WDR49: variants seen among roughly 807,000 people sequenced by gnomAD.
WDR49 encodes cilia- and flagella-associated protein 337.
A neutral mutation model predicts 119.5 loss-of-function variants in WDR49; 107 were observed. The ratio of observed to expected loss-of-function variants is 0.90; its 90% CI spans 0.77 to 1.05. WDR49 has a LOEUF of 1.05. WDR49 is among the 50% of genes least tolerant of loss of function. The pLI is 0.00. For missense variants in WDR49, 1,240 were observed against 1,220.5 expected, an observed-to-expected ratio of 1.02 and a Z score of -0.24; for synonymous variants, 425 against 418.8, an observed-to-expected ratio of 1.01 and a Z score of -0.18.
Position 167,536,985 on chromosome 3 carries a change from A to G in WDR49, c.1839T>C (p.Phe613=), listed in dbSNP as rs1371303597. 1 of 1,587,768 alleles carries G rather than the reference A, an allele frequency of 6.3e-7. No homozygotes were observed. The change falls in exon 11 of 19, where the codon TTT becomes TTC. Residue 613 remains phenylalanine, a synonymous_variant. Transcript: ENST00000682715. The stretch of plus-strand genomic sequence containing the variant: ...AAAATTGATTGAAGTTTTGGGGTCG[A>G]AACACAGTAATAGCCCTAGCAAAAA... ...WKTIGRAITV[F]RPQNFNQFFI... is the part of the protein sequence containing the mutation.
At chr3:167,657,417 G>T (rs148190489), upstream of WDR49, among the ~76,000 whole-genome samples, 29 of 152,100 alleles carry the variant, frequency 1.9e-4, no homozygotes, top group Non-Finnish European at 4.0e-4. Flanking sequence ...TGATAAAACT[G>T]GTTCAGCTAA....
intron 10 of WDR49, among the ~76,000 whole-genome samples, chr3:167,547,159 T>C (rs1712255149): frequency 6.6e-6 from 1 of 151,840 alleles, no homozygotes; most frequent in Non-Finnish European, 1.5e-5. Flanking sequence ...ACCAATTGAG[T>C]CATACAGAGT....
upstream of WDR49, among the ~76,000 whole-genome samples, chr3:167,657,327 AAAT>A: frequency 6.6e-6 from 1 of 152,268 alleles, no homozygotes; most frequent in South Asian, 2.1e-4. Context: ...TATGTATATA[AAAT>A]AGAAATGGTC....
intron 7 of WDR49, among the ~76,000 whole-genome samples, chr3:167,589,143 T>C (rs1714978800): frequency 6.6e-6 from 1 of 152,180 alleles, no homozygotes; most frequent in Non-Finnish European, 1.5e-5. Flanking sequence ...TCTAATATTA[T>C]CTTCTGCATA....
intron 8 of WDR49, among the ~76,000 whole-genome samples, chr3:167,574,671 T>C (rs1045272906): frequency 6.6e-6 from 1 of 152,212 alleles, no homozygotes; most frequent in Non-Finnish European, 1.5e-5. Flanking sequence ...ATCCAGATCT[T>C]CTTTGTGTCT....
At chr3:167,509,710 T>G (rs767348583) in intron 16 of WDR49, among the ~76,000 whole-genome samples, 2 of 152,304 alleles carry the variant, frequency 1.3e-5, no homozygotes, top group East Asian at 3.9e-4. Context: ...ATTCTAATTA[T>G]GAATTCAATA....
intron 8 of WDR49, among the ~76,000 whole-genome samples, chr3:167,564,534 T>C (rs183683242): frequency 6.6e-6 from 1 of 152,350 alleles, no homozygotes; most frequent in Non-Finnish European, 1.5e-5. Flanking sequence ...CACCTTTTAA[T>C]GATACCAAAT....
At chr3:167,656,532 T>G (rs1163332854), upstream of WDR49, among the ~76,000 whole-genome samples, 1 of 152,200 alleles carries the variant, frequency 6.6e-6, no homozygotes, top group African/African-American at 2.4e-5. Flanking sequence ...ACAGACAAGA[T>G]GCCTGGCCTA....
intron 17 of WDR49, among the ~76,000 whole-genome samples, chr3:167,503,081 G>C (rs183686254): frequency 6.6e-6 from 1 of 152,162 alleles, no homozygotes; most frequent in South Asian, 2.1e-4. Context: ...CTCCATATCC[G>C]TGCAGCTCCA....
In WDR49 at chr3:167,578,783, G is replaced by A. The variant is rs1384197298; in HGVS notation, c.1276-2632C>T. On this transcript the variant is annotated intron_variant, in intron 7 of 18. Coordinates refer to ENST00000682715, the MANE Select transcript of WDR49 (RefSeq NM_001366157.1). ...GCCTATTTTTGCATTAGCTGATTAAGCCTCTCCATCATGCTTTTCACTTGC... is the reference window on the plus strand; with the variant it reads ...GCCTATTTTTGCATTAGCTGATTAAACCTCTCCATCATGCTTTTCACTTGC... Among the ~76,000 whole-genome samples, 4 of 152,194 alleles carry A rather than the reference G, an allele frequency of 2.6e-5. No homozygotes were observed. The East Asian group carries it at 7.7e-4, about 29-fold the overall frequency.
chr3:167,549,478 G>A (rs1712416150), intron 10 of WDR49, among the ~76,000 whole-genome samples: 1 of 152,120 alleles, frequency 6.6e-6, no homozygotes, highest in African/African-American at 2.4e-5. Flanking sequence ...TCTGTTGGCT[G>A]CATAAATGTC....
chr3:167,482,110 T>C (rs1750736181), intron 18 of WDR49, among the ~76,000 whole-genome samples: 1 of 152,130 alleles, frequency 6.6e-6, no homozygotes, highest in Admixed American at 6.5e-5. Context: ...ACTTTAGAGA[T>C]AAAGAGGAAA....
At chr3:167,637,655 C>G (rs1717684022) in intron 2 of WDR49, among the ~76,000 whole-genome samples, 2 of 151,704 alleles carry the variant, frequency 1.3e-5, no homozygotes, top group Non-Finnish European at 3.0e-5. Context: ...TGTTTGTCAT[C>G]TATGATTTCT....
intron 3 of WDR49, among the ~76,000 whole-genome samples, chr3:167,621,859 A>G (rs994657891): frequency 1.9e-4 from 29 of 152,268 alleles, no homozygotes; most frequent in African/African-American, 6.5e-4. Context: ...GCATTTGAAC[A>G]TGCTTTATTT....
At chr3:167,564,609 G>A (rs771590526) in intron 8 of WDR49, among the ~76,000 whole-genome samples, 4 of 152,128 alleles carry the variant, frequency 2.6e-5, no homozygotes, top group Non-Finnish European at 2.9e-5. Context: ...TGATGAGGAC[G>A]GGGCCCTGAC....
intron 18 of WDR49, among the ~76,000 whole-genome samples, chr3:167,490,174 T>A (rs1751078041): frequency 6.6e-6 from 1 of 152,134 alleles, no homozygotes; most frequent in African/African-American, 2.4e-5. Context: ...GTGGTGATGA[T>A]TAATCAAAAT....
At chr3:167,619,107 A>C (rs1186149779) in intron 5 of WDR49, among the ~76,000 whole-genome samples, 2 of 152,136 alleles carry the variant, frequency 1.3e-5, no homozygotes, top group South Asian at 2.1e-4. Context: ...GTATTTACTC[A>C]TATTATTTAA....
chr3:167,529,131 A>AT lies in WDR49; in HGVS notation c.2326dup (p.Ile776AsnfsTer6), dbSNP rs1752749198. 1 of 1,611,832 alleles carries AT rather than the reference A, an allele frequency of 6.2e-7. No homozygotes were observed. The highest frequency in any genetic ancestry group is 1.7e-5 in the Admixed American group (1 of 59,422). On this transcript the variant is annotated frameshift_variant, in exon 14 of 19. Coordinates refer to ENST00000682715, the MANE Select transcript of WDR49 (RefSeq NM_001366157.1). LOFTEE classifies it high-confidence loss of function. ...ATTCATCTTATCAGTAGACATAATAATCGATCCAACTCCACTATGAGCCAA... is the reference window on the plus strand; with the variant it reads ...ATTCATCTTATCAGTAGACATAATAATTCGATCCAACTCCACTATGAGCCAA...
chr3:167,605,407 GTC>G (rs1170582582), intron 5 of WDR49, among the ~76,000 whole-genome samples: 3 of 151,850 alleles, frequency 2.0e-5, no homozygotes, highest in Non-Finnish European at 4.4e-5. Flanking sequence ...TACAGATATC[GTC>G]TCTCAAAACA....
Sources: gnomAD v4.1 joint callset for allele counts (sites outside exome capture counted in the v4.1 genomes callset) on GRCh38, gnomAD v4.1.1 for gene constraint, MANE v1.5 for transcripts, NCBI Gene and HGNC (gene_info 2026-07-23, HGNC 2026-07-21) for gene names.